Variants in SORCS3 observed in about 807,000 individuals in gnomAD.
SORCS3 encodes sortilin related VPS10 domain containing receptor 3.
A neutral mutation model predicts 146.3 loss-of-function variants in SORCS3; 57 were observed. That is an observed-to-expected ratio of 0.39 (90% CI 0.31 to 0.49). SORCS3 has a LOEUF of 0.49. Ranked by LOEUF, SORCS3 falls within the 20% of genes least tolerant of loss-of-function variation. SORCS3 has a pLI of 0.92. For synonymous variants in SORCS3, 653 were observed against 618.5 expected, an observed-to-expected ratio of 1.06 and a Z score of -0.83; for missense variants, 1,341 against 1,575.5, an observed-to-expected ratio of 0.85 and a Z score of 2.52.
At chr10:104,817,468 T>C (rs1238105668) in intron 1 of SORCS3, among the ~76,000 whole-genome samples, 4 of 72,880 alleles carry the variant, frequency 5.5e-5, no homozygotes, top group Non-Finnish European at 1.2e-4. Flanking sequence ...CTCCTCTCCT[T>C]CTTCCTCCTC....
At chr10:104,858,438 T>G (rs1252659117) in intron 2 of SORCS3, among the ~76,000 whole-genome samples, 2 of 152,236 alleles carry the variant, frequency 1.3e-5, no homozygotes, top group African/African-American at 4.8e-5. Context: ...ACTCAAGTAT[T>G]CATCTGTTTT....
At chr10:104,784,070 C>G (rs1381926258) in intron 1 of SORCS3, among the ~76,000 whole-genome samples, 1 of 152,192 alleles carries the variant, frequency 6.6e-6, no homozygotes, top group Non-Finnish European at 1.5e-5. Context: ...TCCTGTTTAT[C>G]TTTGTTTAAT....
At chr10:104,932,212 C>A (rs866100533) in intron 3 of SORCS3, among the ~76,000 whole-genome samples, 7 of 152,248 alleles carry the variant, frequency 4.6e-5, no homozygotes, top group Middle Eastern at 6.8e-3. Flanking sequence ...TCTACAGAAC[C>A]CGTCTTGCCT....
intron 1 of SORCS3, among the ~76,000 whole-genome samples, chr10:104,825,870 C>T (rs529426687): frequency 1.3e-5 from 2 of 152,236 alleles, no homozygotes; most frequent in East Asian, 1.9e-4. Context: ...AGAACAACCC[C>T]CCACTATTCA....
intron 4 of SORCS3, among the ~76,000 whole-genome samples, chr10:105,004,221 G>A (rs1471300125): frequency 6.6e-6 from 1 of 152,162 alleles, no homozygotes; most frequent in East Asian, 1.9e-4. Flanking sequence ...GGACAGAGAA[G>A]GGATGGGCTT....
intron 2 of SORCS3, among the ~76,000 whole-genome samples, chr10:104,844,086 AG>A (rs779572623): frequency 6.6e-6 from 1 of 152,204 alleles, no homozygotes; most frequent in Non-Finnish European, 1.5e-5. Context: ...TTAAATATTT[AG>A]GGGTTAATTG....
At chr10:105,095,082 T>G (rs778567751) in intron 6 of SORCS3, among the ~76,000 whole-genome samples, 7 of 152,098 alleles carry the variant, frequency 4.6e-5, no homozygotes, top group Non-Finnish European at 1.0e-4. Context: ...CAATCTCTGG[T>G]CACTTCACCT....
chr10:104,827,166 TCTC>T (rs2017946037), intron 1 of SORCS3, among the ~76,000 whole-genome samples: 1 of 152,206 alleles, frequency 6.6e-6, no homozygotes. Flanking sequence ...GATATTTTGA[TCTC>T]CTCCCATGAA....
chr10:105,202,681 C>T (rs979353302), intron 16 of SORCS3, among the ~76,000 whole-genome samples: 1 of 152,112 alleles, frequency 6.6e-6, no homozygotes. Context: ...ATCCACAGCG[C>T]CTGGCCCGCT....
chr10:104,809,156 A>C (rs1016516043), intron 1 of SORCS3, among the ~76,000 whole-genome samples: 4 of 152,210 alleles, frequency 2.6e-5, no homozygotes, highest in African/African-American at 9.7e-5. Flanking sequence ...TACAAATAGG[A>C]TTTAAAAGCT....
chr10:104,807,842 G>C (rs988143572), intron 1 of SORCS3, among the ~76,000 whole-genome samples: 1 of 152,178 alleles, frequency 6.6e-6, no homozygotes. Context: ...AGAAAAAAAG[G>C]CTTCGTAATT....
At chr10:105,063,186 G>A (rs2055499392) in intron 5 of SORCS3, among the ~76,000 whole-genome samples, 3 of 152,076 alleles carry the variant, frequency 2.0e-5, no homozygotes, top group South Asian at 2.1e-4. Context: ...ATGGACTCCC[G>A]ATGATTTATG....
chr10:104,909,800 T>C (rs2018947492), intron 2 of SORCS3, among the ~76,000 whole-genome samples: 1 of 151,672 alleles, frequency 6.6e-6, no homozygotes, highest in South Asian at 2.1e-4. Flanking sequence ...TTTTTTTTTT[T>C]TCTTTTAAAA....
intron 1 of SORCS3, among the ~76,000 whole-genome samples, chr10:104,673,652 A>G (rs547177071): frequency 6.6e-6 from 1 of 151,864 alleles, no homozygotes; most frequent in Non-Finnish European, 1.5e-5. Context: ...GGGTCTTGCT[A>G]TGTTGCCCAG....
chr10:105,243,192 G>A (rs371533093), intron 20 of SORCS3, among the ~76,000 whole-genome samples: 18 of 151,038 alleles, frequency 1.2e-4, no homozygotes, highest in African/African-American at 4.4e-4. Context: ...CTGATGGACT[G>A]ACCAATAGAA....
At chr10:104,934,576 T>C (rs2019241185) in intron 3 of SORCS3, among the ~76,000 whole-genome samples, 1 of 152,192 alleles carries the variant, frequency 6.6e-6, no homozygotes, top group South Asian at 2.1e-4. Flanking sequence ...TTCAGACTCT[T>C]TCTGGATGTG....
chr10:105,247,313 C>T lies in SORCS3; in HGVS notation c.3087C>T (p.Ile1029=). ...PEWRKDIGNV[I]KRALVKVTSV... ...GGAGAAAAGATATTGGCAATGTCATCAAGCGAGCTCTGGTTAAAGTAAGTT... is the reference window on the plus strand; with the variant it reads ...GGAGAAAAGATATTGGCAATGTCATTAAGCGAGCTCTGGTTAAAGTAAGTT... The change falls in exon 22 of 27, where the codon ATC becomes ATT. Residue 1029 remains isoleucine, a synonymous_variant. Transcript: ENST00000369701. 1.2e-6 allele frequency: 2 copies of T among 1,606,118 alleles called. No homozygotes were observed. The highest frequency in any genetic ancestry group is 1.7e-6 in the Non-Finnish European group (2 of 1,173,124).
At chr10:104,864,055 G>C (rs1007601863) in intron 2 of SORCS3, among the ~76,000 whole-genome samples, 1 of 152,152 alleles carries the variant, frequency 6.6e-6, no homozygotes, top group Non-Finnish European at 1.5e-5. Context: ...AATAGCTACT[G>C]TGTGCCAGGA....
intron 1 of SORCS3, among the ~76,000 whole-genome samples, chr10:104,666,899 A>G (rs571973092): frequency 5.3e-5 from 8 of 152,164 alleles, no homozygotes; most frequent in Non-Finnish European, 1.0e-4. Context: ...GAGAGGTTAA[A>G]TAACCTGCCT....
Sources: gnomAD v4.1 joint callset for allele counts (sites outside exome capture counted in the v4.1 genomes callset) on GRCh38, gnomAD v4.1.1 for gene constraint, MANE v1.5 for transcripts, NCBI Gene and HGNC (gene_info 2026-07-23, HGNC 2026-07-21) for gene names.